NRG3: variants seen among roughly 807,000 people sequenced by gnomAD.
NRG3 encodes neuregulin 3, also known as pro-neuregulin-3, membrane-bound isoform.
In NRG3, 31 loss-of-function variants were observed where a neutral mutation model predicts 66.9. The ratio of observed to expected loss-of-function variants is 0.46; its 90% CI spans 0.35 to 0.63. The LOEUF is 0.63. Among genes scored for constraint, NRG3 ranks in the 20% least tolerant of loss-of-function variants. The probability of loss-of-function intolerance (pLI) is 0.00; values close to 1 mark genes in which losing one functional copy is unlikely to be tolerated. For synonymous variants in NRG3, 393 were observed against 359.4 expected (o/e 1.09, Z -1.06); for missense variants, 910 against 878.9 (o/e 1.04, Z -0.45).
chr10:81,969,239 C>T (rs1242474066), intron 1 of NRG3, among the ~76,000 whole-genome samples: 1 of 152,126 alleles, frequency 6.6e-6, no homozygotes, highest in Non-Finnish European at 1.5e-5. Context: ...GAGGGAGCTG[C>T]TTTTGGAGGC....
At chr10:82,276,088 A>G (rs1164257106) in intron 1 of NRG3, among the ~76,000 whole-genome samples, 1 of 152,006 alleles carries the variant, frequency 6.6e-6, no homozygotes, top group Non-Finnish European at 1.5e-5. Flanking sequence ...TTTAATGACA[A>G]CAATAAGTTC....
intron 4 of NRG3, among the ~76,000 whole-genome samples, chr10:82,918,019 T>C (rs1034053514): frequency 4.0e-5 from 6 of 149,122 alleles, no homozygotes; most frequent in African/African-American, 1.5e-4. Context: ...TCTCTATATA[T>C]ATACATACAT....
chr10:82,803,450 A>G (rs2061138429), intron 3 of NRG3, among the ~76,000 whole-genome samples: 1 of 152,222 alleles, frequency 6.6e-6, no homozygotes, highest in Non-Finnish European at 1.5e-5. Context: ...AAGTATGTGT[A>G]TTTCATCTTT....
chr10:82,100,865 A>T (rs77631075), intron 1 of NRG3, among the ~76,000 whole-genome samples: 1 of 49,018 alleles, frequency 2.0e-5, no homozygotes, highest in African/African-American at 4.7e-5. Context: ...TATTAGGAAG[A>T]TTTTTTTTGG....
intron 1 of NRG3, among the ~76,000 whole-genome samples, chr10:82,048,633 C>T (rs2063433362): frequency 6.6e-6 from 1 of 150,818 alleles, no homozygotes; most frequent in African/African-American, 2.4e-5. Context: ...ACTAAATGCC[C>T]ACAAGAGAAA....
intron 2 of NRG3, among the ~76,000 whole-genome samples, chr10:82,563,733 T>C (rs1175850808): frequency 6.6e-6 from 1 of 152,054 alleles, no homozygotes; most frequent in Non-Finnish European, 1.5e-5. Context: ...CACCTACTTA[T>C]CATTTTTTGT....
At chr10:82,815,752 C>G (rs2061679098) in intron 3 of NRG3, among the ~76,000 whole-genome samples, 2 of 152,138 alleles carry the variant, frequency 1.3e-5, no homozygotes, top group African/African-American at 2.4e-5. Flanking sequence ...CTTATTCCGC[C>G]CACTTCACCT....
intron 3 of NRG3, among the ~76,000 whole-genome samples, chr10:82,849,231 G>A (rs1345080162): frequency 6.6e-6 from 1 of 152,162 alleles, no homozygotes; most frequent in Non-Finnish European, 1.5e-5. Context: ...TACAAGCCAA[G>A]AAACAGCAAA....
chr10:82,256,547 A>G (rs548970654), intron 1 of NRG3, among the ~76,000 whole-genome samples: 3 of 151,184 alleles, frequency 2.0e-5, no homozygotes, highest in Non-Finnish European at 2.9e-5. Flanking sequence ...CTCTTTCTCT[A>G]CCTCTGTGTT....
chr10:81,903,238 G>A (rs548102650), intron 1 of NRG3, among the ~76,000 whole-genome samples: 3 of 152,188 alleles, frequency 2.0e-5, no homozygotes, highest in South Asian at 2.1e-4. Flanking sequence ...CTCAGAGGCC[G>A]GGTGCTTCAG....
Position 82,803,380 on chromosome 10 carries a change from A to G in NRG3, c.1028-62031A>G, listed in dbSNP as rs188542879. Among the ~76,000 whole-genome samples the G allele has an allele frequency of 2.6e-5, 4 of 152,356 alleles. No homozygotes were observed. The East Asian group carries it at 7.7e-4, about 29-fold the overall frequency. ...TGGGACTCTAAATGACAGAATAGAT[A>G]GGGAAATCTAGTTACCCATCTATCT... On this transcript the variant is annotated intron_variant, in intron 3 of 8. Coordinates refer to ENST00000372141, the MANE Select transcript of NRG3 (RefSeq NM_001010848.4).
intron 1 of NRG3, among the ~76,000 whole-genome samples, chr10:81,941,383 G>A (rs566621681): frequency 1.3e-5 from 2 of 152,144 alleles, no homozygotes; most frequent in African/African-American, 4.8e-5. Flanking sequence ...TACCTCACTT[G>A]AAATGTGCAT....
chr10:82,850,231 G>A (rs968641066), intron 3 of NRG3, among the ~76,000 whole-genome samples: 3 of 152,184 alleles, frequency 2.0e-5, no homozygotes, highest in Non-Finnish European at 4.4e-5. Context: ...CTGGAAGGAA[G>A]TTGGTGCAGA....
chr10:82,611,264 T>TTTTA (rs1483578529), intron 2 of NRG3, among the ~76,000 whole-genome samples: 11 of 152,004 alleles, frequency 7.2e-5, no homozygotes, highest in Non-Finnish European at 1.3e-4. Context: ...TTCATTTTTA[T>TTTTA]TTTATTTATT....
At chr10:82,340,496 A>G (rs181711898) in intron 1 of NRG3, among the ~76,000 whole-genome samples, 128 of 152,358 alleles carry the variant, frequency 8.4e-4, no homozygotes, top group African/African-American at 3.0e-3. Flanking sequence ...ACACTAGAAT[A>G]AATGATTCAA....
At chr10:82,704,369 A>G (rs921985507) in intron 2 of NRG3, among the ~76,000 whole-genome samples, 4 of 152,220 alleles carry the variant, frequency 2.6e-5, no homozygotes, top group Non-Finnish European at 4.4e-5. Flanking sequence ...GATATTATTC[A>G]GCATTTTTGA....
chr10:82,451,764 T>C (rs1590179722), intron 2 of NRG3, among the ~76,000 whole-genome samples: 2 of 152,230 alleles, frequency 1.3e-5, no homozygotes, highest in East Asian at 3.9e-4. Flanking sequence ...TGTACTAGGC[T>C]TCAGCAATAT....
chr10:82,616,928 A>C (rs975199968), intron 2 of NRG3, among the ~76,000 whole-genome samples: 1 of 152,152 alleles, frequency 6.6e-6, no homozygotes, highest in African/African-American at 2.4e-5. Context: ...AATTATTTTT[A>C]CTTTGTATAT....
Position 81,995,111 on chromosome 10 carries a change from A to G in NRG3, c.823+118948A>G, listed in dbSNP as rs560150803. ...ATGAATTCCTGCAGTTTTCTCTTTC[A>G]TTTGGCTTTGCTAATAATTTAACTT... On this transcript the variant is annotated intron_variant, in intron 1 of 8. Transcript: ENST00000372141. Among the ~76,000 whole-genome samples, 4 of 152,138 alleles carry G rather than the reference A, an allele frequency of 2.6e-5. No individual in the cohort carries two copies. In the East Asian group the frequency reaches 7.7e-4, roughly 29 times the overall value.
Sources: allele counts gnomAD v4.1 joint callset (sites outside exome capture counted in the v4.1 genomes callset), GRCh38; gene constraint gnomAD v4.1.1; transcripts MANE v1.5; gene names NCBI Gene and HGNC (gene_info 2026-07-23, HGNC 2026-07-21).